The following MICB variants were observed in gnomAD, a reference collection of about 807,000 sequenced individuals.
The protein encoded by MICB is MHC class I polypeptide-related sequence B, also known as MHC class I antigen-related protein B.
A neutral mutation model predicts 34.3 loss-of-function variants in MICB; 27 were observed. That is an observed-to-expected ratio of 0.79 (90% CI 0.58 to 1.08). MICB has a LOEUF of 1.08. MICB is among the 50% of genes least tolerant of loss of function. MICB has a pLI of 0.00. For synonymous variants in MICB, 153 were observed against 187.4 expected, an observed-to-expected ratio of 0.82 and a Z score of 1.50; for missense variants, 426 against 483.1, an observed-to-expected ratio of 0.88 and a Z score of 1.11.
upstream of MICB, among the ~76,000 whole-genome samples, chr6:31,497,113 G>T (rs1266391530): frequency 3.3e-5 from 5 of 152,208 alleles, no homozygotes; most frequent in Non-Finnish European, 7.3e-5. Context: ...GGAAGCCTGT[G>T]CAGTAATCCA....
Position 31,507,654 on chromosome 6 carries a change from G to T in MICB, c.1024+123G>T. 1 of 1,223,194 alleles carries T rather than the reference G, an allele frequency of 8.2e-7. No homozygotes were observed. The highest frequency in any genetic ancestry group is 1.2e-6 in the Non-Finnish European group (1 of 862,818). The allele number at this position is 1,223,194 out of a possible 1,614,324, so 75.8% of individuals were successfully genotyped here. On this transcript the variant is annotated intron_variant, in intron 5 of 5. Transcript: ENST00000252229. This position sits in a 1 kb window ranked among gnomAD's most constrained non-coding sequence, Gnocchi z 6.0. ...CTGCTGGGACAGGGGATGGAAGCTG[G>T]GGTATTTGGGAGGGGAATGGGAGCT... is the stretch of plus-strand genomic sequence containing the variant.
In MICB at chr6:31,505,800, A is replaced by G. The variant is rs753099607; in HGVS notation, c.254A>G (p.Glu85Gly). ...NVLGAKTWDT[E>G]TEDLTENGQD... The stretch of plus-strand genomic sequence containing the variant: ...CTGGGAGCTAAGACCTGGGACACAG[A>G]GACCGAGGACTTGACAGAGAATGGG... Residue 85 changes from glutamate (E) to glycine (G), a missense_variant, in exon 2 of 6, where the codon GAG becomes GGG. Glu to Gly is a moderately conservative substitution (Grantham distance 98, BLOSUM62 -2). Coordinates refer to ENST00000252229, the MANE Select transcript of MICB (RefSeq NM_005931.5). 6.2e-6 allele frequency: 10 copies of G among 1,613,266 alleles called. No homozygotes were observed. Among genetic ancestry groups the G allele is most frequent in the South Asian group, 1.1e-5 (1 of 91,074 alleles).
At chr6:31,500,265 C>G (rs1339533519) in intron 1 of MICB, among the ~76,000 whole-genome samples, 2 of 151,854 alleles carry the variant, frequency 1.3e-5, no homozygotes, top group Non-Finnish European at 2.9e-5. Flanking sequence ...TTTTCTCTCT[C>G]TGGCCAGCAC....
rs1361690459 is a variant in MICB, at chr6:31,509,902, G to A, written c.1145G>A (p.Gly382Asp). The change falls in exon 6 of 6, where the codon GGC becomes GAC. Residue 382 changes from glycine to aspartate, a missense_variant. Transcript: ENST00000252229. ...ACTGGGTCCACTGGTTCCACTGAGG[G>A]CACCTAGACTCTACAGCCAGGCGGC... is the stretch of plus-strand genomic sequence containing the variant. ...SATGSTGSTE[G>D]T 1 of 1,608,500 alleles carries A rather than the reference G, an allele frequency of 6.2e-7. No individual in the cohort carries two copies. Among genetic ancestry groups the A allele is most frequent in the African/African-American group, 1.3e-5 (1 of 74,680 alleles).
At chr6:31,508,884 G>A (rs1765505428) in intron 5 of MICB, among the ~76,000 whole-genome samples, 1 of 152,194 alleles carries the variant, frequency 6.6e-6, no homozygotes. Flanking sequence ...TCTCCAGAAG[G>A]GTCTGTGTGG....
In MICB at chr6:31,507,455, T is replaced by C; in HGVS notation, c.948T>C (p.Ala316=). Residue 316 remains alanine (A), a synonymous_variant, in exon 5 of 6, where the codon GCT becomes GCC. Coordinates refer to ENST00000252229, the MANE Select transcript of MICB (RefSeq NM_005931.5). This position sits in a 1 kb window ranked among gnomAD's most constrained non-coding sequence, Gnocchi z 6.0. ...QRTDFPYVSA[A]MPCFVIIIIL... Reference sequence around the variant, plus strand: ...CAGACTTTCCATATGTTTCTGCTGCTATGCCATGTTTTGTTATTATTATTA... The same window carrying C: ...CAGACTTTCCATATGTTTCTGCTGCCATGCCATGTTTTGTTATTATTATTA... The C allele has an allele frequency of 9.3e-6, 15 of 1,614,182 alleles. No individual in the cohort carries two copies. The highest frequency in any genetic ancestry group is 1.3e-5 in the Non-Finnish European group (15 of 1,180,026).
At position 31,507,593 on chromosome 6, in the gene MICB, C is replaced by A; in HGVS notation, c.1024+62C>A. On this transcript the variant is annotated intron_variant, in intron 5 of 5. Transcript: ENST00000252229. The surrounding 1 kb of genome is among the most constrained non-coding windows in gnomAD (Gnocchi z 6.0). ...TCCTTTCTAGGCAGTAGGGTCTCCT[C>A]ATTGCTCCTGCCCAGACAAGACGTA... 1 of 1,596,252 alleles carries A rather than the reference C, an allele frequency of 6.3e-7. No individual in the cohort carries two copies. Among genetic ancestry groups the A allele is most frequent in the South Asian group, 1.1e-5 (1 of 90,124 alleles).
Position 31,510,100 on chromosome 6 carries a change from A to G in MICB, c.*191A>G, listed in dbSNP as rs1218417909. 1.9e-6 allele frequency: 1 copy of G among 513,380 alleles called. No individual in the cohort carries two copies. Among genetic ancestry groups the G allele is most frequent in the African/African-American group, 2.0e-5 (1 of 50,942 alleles). 31.8% of individuals were successfully genotyped at this position (513,380 alleles called of 1,614,324 possible). A position where few individuals can be genotyped will look rare whatever the true frequency, so the allele number is the denominator to read the frequency against. On this transcript the variant is annotated 3_prime_UTR_variant, in exon 6 of 6. Transcript: ENST00000252229. ...AGAGCCAGCAAAGGGATCATGACCA[A>G]CTCAACATTCCATTGGAGGCTATAT...
chr6:31,507,553 T>G lies in MICB; in HGVS notation c.1024+22T>G. The G allele has an allele frequency of 6.2e-7, 1 of 1,614,090 alleles. No homozygotes were observed. Among genetic ancestry groups the G allele is most frequent in the Admixed American group, 1.7e-5 (1 of 60,016 alleles). ...CCAGGTGAGAAAAGGGGACAGTTTC[T>G]GGAGATGGGAAAGCTCCTTTCTAGG... On this transcript the variant is annotated intron_variant, in intron 5 of 5. Coordinates refer to ENST00000252229, the MANE Select transcript of MICB (RefSeq NM_005931.5). The surrounding 1 kb of genome is among the most constrained non-coding windows in gnomAD (Gnocchi z 6.0).
chr6:31,509,936 A>G lies in MICB; in HGVS notation c.*27A>G. ...CTCTACAGCCAGGCGGCCAGGATTC[A>G]ACTCCCTGCCTGGATCTCACCAGCA... On this transcript the variant is annotated 3_prime_UTR_variant, in exon 6 of 6. Transcript: ENST00000252229. 6.3e-7 allele frequency: 1 copy of G among 1,577,062 alleles called. No homozygotes were observed. The highest frequency in any genetic ancestry group is 8.6e-7 in the Non-Finnish European group (1 of 1,161,188).
At position 31,506,412 on chromosome 6, in the gene MICB, G is replaced by T; in HGVS notation, c.595G>T (p.Val199Leu). ...ACTACAGCGATATCTGAAATCCGGG[G>T]TGGCCATCAGGAGAACAGGTACCGA... ...QKLQRYLKSG[V>L]AIRRTVPPMV... Residue 199 changes from valine (V) to leucine (L), a missense_variant, in exon 3 of 6, where the codon GTG becomes TTG. Coordinates refer to ENST00000252229, the MANE Select transcript of MICB (RefSeq NM_005931.5). 6.2e-7 allele frequency: 1 copy of T among 1,614,060 alleles called. No homozygotes were observed. Among genetic ancestry groups the T allele is most frequent in the Middle Eastern group, 1.6e-4 (1 of 6,062 alleles).
At position 31,507,370 on chromosome 6, in the gene MICB, C is replaced by T. The variant is rs756455541; in HGVS notation, c.893-30C>T. 6.2e-7 allele frequency: 1 copy of T among 1,613,830 alleles called. No individual in the cohort carries two copies. The highest frequency in any genetic ancestry group is 1.7e-5 in the Admixed American group (1 of 59,966). ...CAGCAAGGACGGCTGTGGCTCTCTGCCCAGTGTATAACAAGTCCCTTTTTT... is the reference window on the plus strand; with the variant it reads ...CAGCAAGGACGGCTGTGGCTCTCTGTCCAGTGTATAACAAGTCCCTTTTTT... On this transcript the variant is annotated intron_variant, in intron 4 of 5. Transcript: ENST00000252229. The surrounding 1 kb of genome is among the most constrained non-coding windows in gnomAD (Gnocchi z 6.0).
chr6:31,499,381 A>T (rs1274982000), intron 1 of MICB, among the ~76,000 whole-genome samples: 1 of 151,468 alleles, frequency 6.6e-6, no homozygotes, highest in Non-Finnish European at 1.5e-5. Flanking sequence ...CTGTTCTCTG[A>T]TCCATTTCTA....
chr6:31,506,877 C>A (rs1402635524), intron 3 of MICB, 145 bp from the exon 4 acceptor site: 4 of 1,339,860 alleles, frequency 3.0e-6, no homozygotes, highest in Admixed American at 5.4e-5. Flanking sequence ...AGGAATTAGG[C>A]CCCAGGGTGA....
rs1764870472 is a variant in MICB at position 31,499,043 on chromosome 6, C to A, written c.70+780C>A. Among the ~76,000 whole-genome samples, 3 of 149,098 alleles carry A rather than the reference C, an allele frequency of 2.0e-5. No individual in the cohort carries two copies. In the South Asian group the frequency reaches 6.2e-4, roughly 31 times the overall value. On this transcript the variant is annotated intron_variant, in intron 1 of 5. Coordinates refer to ENST00000252229, the MANE Select transcript of MICB (RefSeq NM_005931.5). ...AGCCGATGTGTTCTCAGCTCCTGGG[C>A]CGCAGCTCCTGGAGTTGGGGCCCTC...
intron 5 of MICB, among the ~76,000 whole-genome samples, chr6:31,508,990 TC>T (rs1562369234): frequency 6.6e-6 from 1 of 152,012 alleles, no homozygotes; most frequent in East Asian, 1.9e-4. Context: ...TGGAGAAAAG[TC>T]CTTGTAGGTT....
At position 31,507,512 on chromosome 6, in the gene MICB, A is replaced by G. The variant is rs1190848683; in HGVS notation, c.1005A>G (p.Thr335=). The change falls in exon 5 of 6, where the codon ACA becomes ACG. Residue 335 remains threonine, a synonymous_variant. Coordinates refer to ENST00000252229, the MANE Select transcript of MICB (RefSeq NM_005931.5). This position sits in a 1 kb window ranked among gnomAD's most constrained non-coding sequence, Gnocchi z 6.0. ...GTGTCCCTTGTTGCAAGAAGAAAAC[A>G]TCAGCGGCAGAGGGTCCAGGTGAGA... ...ILCVPCCKKK[T]SAAEGPELVS... is the part of the protein sequence containing the mutation. 1.2e-6 allele frequency: 2 copies of G among 1,614,202 alleles called. No individual in the cohort carries two copies. Among genetic ancestry groups the G allele is most frequent in the East Asian group, 2.2e-5 (1 of 44,894 alleles).
In MICB at chr6:31,506,224, A is replaced by G. The variant is rs1374246092; in HGVS notation, c.407A>G (p.Asp136Gly). The G allele has an allele frequency of 5.6e-6, 9 of 1,613,966 alleles. No individual in the cohort carries two copies. The highest frequency in any genetic ancestry group is 7.6e-6 in the Non-Finnish European group (9 of 1,180,006). The change falls in exon 3 of 6, where the codon GAT (aspartate) becomes GGT (glycine). Residue 136 changes from aspartate (D) to glycine (G), a missense_variant. Physicochemically the swap from Asp to Gly is moderately conservative, Grantham distance 94 (BLOSUM62 -1). Coordinates refer to ENST00000252229, the MANE Select transcript of MICB (RefSeq NM_005931.5). ...AGGGGCTCCCGGCATTTCTACTACG[A>G]TGGGGAGCTCTTCCTCTCCCAAAAC... is the stretch of plus-strand genomic sequence containing the variant. ...STRGSRHFYY[D>G]GELFLSQNLE...
chr6:31,498,263 G>C lies in MICB; in HGVS notation c.70G>C (p.Glu24Gln). 1 of 1,566,408 alleles carries C rather than the reference G, an allele frequency of 6.4e-7. No individual in the cohort carries two copies. Among genetic ancestry groups the C allele is most frequent in the Non-Finnish European group, 8.7e-7 (1 of 1,153,722 alleles). Residue 24 changes from glutamate (E) to glutamine (Q), a missense_variant and splice_region_variant, in exon 1 of 6, where the codon GAG (glutamate) becomes CAG (glutamine). Transcript: ENST00000252229. ...FPFAPPAAAA[E>Q]PHSLRYNLMV... ...TTTTGCACCCCCGGCAGCCGCCGCT[G>C]GTGAGTGGGGTTCCTGGCGGTCCCC... is the stretch of plus-strand genomic sequence containing the variant.
Sources: gnomAD v4.1 joint callset for allele counts (sites outside exome capture counted in the v4.1 genomes callset) on GRCh38, gnomAD v4.1.1 for gene constraint, Gnocchi (gnomAD v3.1) non-coding constraint, MANE v1.5 for transcripts, NCBI Gene and HGNC (gene_info 2026-07-23, HGNC 2026-07-21) for gene names.